The following PCDHA2 variants were observed in gnomAD, a reference collection of about 807,000 sequenced individuals.
PCDHA2 encodes protocadherin alpha 2.
PCDHA2 carries 58 observed loss-of-function variants against 66.0 expected under a neutral mutation model. That is an observed-to-expected ratio of 0.88 (90% CI 0.71 to 1.09). PCDHA2 has a LOEUF of 1.09. PCDHA2 is among the 50% of genes least tolerant of loss of function. The probability of loss-of-function intolerance (pLI) is 0.00; values close to 1 mark genes in which losing one functional copy is unlikely to be tolerated. For missense variants in PCDHA2, 1,267 were observed against 1,242.3 expected, an observed-to-expected ratio of 1.02 and a Z score of -0.30; for synonymous variants, 634 against 554.0, an observed-to-expected ratio of 1.14 and a Z score of -2.03.
intron 1 of PCDHA2, chr5:140,836,570 G>C: frequency 1.2e-6 from 2 of 1,613,682 alleles, no homozygotes; most frequent in East Asian, 2.2e-5. Context: ...CGTCCTCTGA[G>C]GGCGCATGTA....
intron 1 of PCDHA2, chr5:140,862,360 G>C (rs920511235): frequency 6.0e-6 from 2 of 334,746 alleles, no homozygotes; most frequent in Non-Finnish European, 1.2e-5. Flanking sequence ...AGGGACAGAC[G>C]ACCCGCACCC....
At chr5:141,002,948 C>A (rs2098104348) in intron 3 of PCDHA2, among the ~76,000 whole-genome samples, 1 of 152,152 alleles carries the variant, frequency 6.6e-6, no homozygotes, top group African/African-American at 2.4e-5. Flanking sequence ...CAGCACATGC[C>A]CCTCTGAGAG....
rs782673373 is a variant in PCDHA2 at position 140,858,110 on chromosome 5, G to T, written c.2388+60758G>T. The T allele has an allele frequency of 6.9e-6, 11 of 1,597,760 alleles. No homozygotes were observed. The East Asian group carries it at 2.2e-4, about 32-fold the overall frequency. ...GCGGGCTTCAGTGGGCGTGGCGCCC[G>T]AGGTGGCCCTGGTGGATGTCAACGT... On this transcript the variant is annotated intron_variant, in intron 1 of 3. Coordinates refer to ENST00000526136, the MANE Select transcript of PCDHA2 (RefSeq NM_018905.3).
chr5:140,806,748 T>C (rs1763777641), intron 1 of PCDHA2, among the ~76,000 whole-genome samples: 1 of 152,218 alleles, frequency 6.6e-6, no homozygotes, highest in Admixed American at 6.5e-5. Flanking sequence ...TTACAAAGTG[T>C]ATAGTTAGGT....
chr5:140,849,790 C>G lies in PCDHA2; in HGVS notation c.2388+52438C>G, dbSNP rs2150450402. 2.5e-6 allele frequency: 4 copies of G among 1,598,236 alleles called. 1 individual carries two copies. The highest frequency in any genetic ancestry group is 2.2e-5 in the East Asian group (1 of 44,828). ...GTGGTTACCGCGCGGGACGGGGGCT[C>G]GCCTTCACTGTGGGCCACGGCCAGG... On this transcript the variant is annotated intron_variant, in intron 1 of 3. Transcript: ENST00000526136.
chr5:140,955,216 C>T (rs2095153192), intron 1 of PCDHA2, among the ~76,000 whole-genome samples: 2 of 152,122 alleles, frequency 1.3e-5, no homozygotes, highest in East Asian at 3.9e-4. Flanking sequence ...AGCATGATGC[C>T]TCCAGCTTTG....
At position 140,850,728 on chromosome 5, in the gene PCDHA2, G is replaced by T. The variant is rs2150496245; in HGVS notation, c.2388+53376G>T. The T allele has an allele frequency of 4.2e-5, 67 of 1,598,072 alleles. 6 individuals are homozygous for T. The highest frequency in any genetic ancestry group is 5.7e-5 in the Non-Finnish European group (66 of 1,167,642). On this transcript the variant is annotated intron_variant, in intron 1 of 3. Transcript: ENST00000526136. ...GCCGACGCTGGTGTGTTCTAGCGCGGTGGGGAGTTGGTCGTACTCGCAGCA... is the reference window on the plus strand; with the variant it reads ...GCCGACGCTGGTGTGTTCTAGCGCGTTGGGGAGTTGGTCGTACTCGCAGCA...
chr5:140,802,661 C>G (rs782509010), intron 1 of PCDHA2: 28 of 1,613,536 alleles, frequency 1.7e-5, no homozygotes, highest in African/African-American at 1.1e-4. Context: ...AGGAGAACGC[C>G]CTGGTGTCCT....
intron 1 of PCDHA2, among the ~76,000 whole-genome samples, chr5:140,818,657 G>A (rs1192707521): frequency 1.3e-5 from 2 of 152,138 alleles, no homozygotes; most frequent in Non-Finnish European, 2.9e-5. Flanking sequence ...AGCAATATAG[G>A]GAGACTCCAT....
chr5:140,877,256 G>C lies in PCDHA2; in HGVS notation c.2388+79904G>C, dbSNP rs782364296. 2.5e-6 allele frequency: 4 copies of C among 1,613,628 alleles called. No homozygotes were observed. In the African/African-American group the frequency reaches 5.3e-5, roughly 22 times the overall value. On this transcript the variant is annotated intron_variant, in intron 1 of 3. Transcript: ENST00000526136. Reference sequence around the variant, plus strand: ...GCGGGCCACGTGGTGGCGAAAGTGCGCGCGGTGGACGCTGACTCCGGCTAT... The same window carrying C: ...GCGGGCCACGTGGTGGCGAAAGTGCCCGCGGTGGACGCTGACTCCGGCTAT...
At chr5:140,801,668 A>T in intron 1 of PCDHA2, 1 of 1,614,230 alleles carries the variant, frequency 6.2e-7, no homozygotes, top group Non-Finnish European at 8.5e-7. Flanking sequence ...TAGAGGGCGC[A>T]TCAGATGCAG....
intron 1 of PCDHA2, among the ~76,000 whole-genome samples, chr5:140,957,130 A>G (rs1554222831): frequency 6.6e-6 from 1 of 152,188 alleles, no homozygotes; most frequent in East Asian, 1.9e-4. Context: ...TCTTTACTAC[A>G]CTATGAACTA....
At position 140,848,921 on chromosome 5, in the gene PCDHA2, C is replaced by A. The variant is rs149924043; in HGVS notation, c.2388+51569C>A. The A allele has an allele frequency of 2.3e-3, 3,692 of 1,607,738 alleles. 94 individuals carry two copies. Among genetic ancestry groups the A allele is most frequent in the Middle Eastern group, 9.4e-3 (57 of 6,032 alleles). On this transcript the variant is annotated intron_variant, in intron 1 of 3. Coordinates refer to ENST00000526136, the MANE Select transcript of PCDHA2 (RefSeq NM_018905.3). ...CAGCGACACAAAAGAATCTGTTCAT[C>A]GCGGAATCCAGGCCGCTTGACTCTC...
At chr5:140,823,030 G>A (rs1767524981) in intron 1 of PCDHA2, 1 of 1,614,220 alleles carries the variant, frequency 6.2e-7, no homozygotes, top group Non-Finnish European at 8.5e-7. Context: ...GAGCGTGTCG[G>A]TCTATGAGCT....
chr5:140,978,865 A>G, intron 1 of PCDHA2, 84 bp from the exon 2 acceptor site: 1 of 1,602,026 alleles, frequency 6.2e-7, no homozygotes, highest in South Asian at 1.1e-5. Flanking sequence ...GAAATATTTA[A>G]GGGAGTAACT....
intron 1 of PCDHA2, chr5:140,870,896 C>A (rs946837071): frequency 4.3e-6 from 7 of 1,613,822 alleles, no homozygotes; most frequent in Non-Finnish European, 5.9e-6. Context: ...GCAGTGGATG[C>A]GGACTCAGGC....
chr5:140,805,305 C>T, intron 1 of PCDHA2: 1 of 1,273,368 alleles, frequency 7.9e-7, no homozygotes. Flanking sequence ...GGAATTCTTC[C>T]TCCTTTTTTC....
intron 1 of PCDHA2, chr5:140,869,763 A>G: frequency 1.9e-6 from 3 of 1,613,302 alleles, no homozygotes; most frequent in Non-Finnish European, 2.5e-6. Flanking sequence ...GGGGAAAACC[A>G]GAGCTTACTG....
intron 1 of PCDHA2, chr5:140,814,455 T>C (rs1190395244): frequency 1.3e-5 from 2 of 152,018 alleles, no homozygotes; most frequent in Admixed American, 6.6e-5. Context: ...TTTTCTTTTT[T>C]TTTTTTGAGT....
Sources: allele counts gnomAD v4.1 joint callset (sites outside exome capture counted in the v4.1 genomes callset), GRCh38; gene constraint gnomAD v4.1.1; transcripts MANE v1.5; gene names NCBI Gene and HGNC (gene_info 2026-07-23, HGNC 2026-07-21).